OR6K6: variants seen among roughly 807,000 people sequenced by gnomAD.
OR6K6 encodes the protein olfactory receptor family 6 subfamily K member 6.
Under a neutral mutation model 8.1 loss-of-function variants are expected in OR6K6, and 9 were observed. The observed-to-expected ratio is 1.11, with a 90% CI of 0.67 to 1.94. OR6K6 has a LOEUF of 1.94. OR6K6 is among the 30% of genes most tolerant of loss of function. The probability of loss-of-function intolerance (pLI) is 0.00; values close to 1 mark genes in which losing one functional copy is unlikely to be tolerated. For missense variants in OR6K6, 400 were observed against 383.1 expected (o/e 1.04, Z -0.37); for synonymous variants, 156 against 140.3 (o/e 1.11, Z -0.79).
exon 1 of OR6K6, chr1:158,755,687 C>A: frequency 6.2e-7 from 1 of 1,614,198 alleles, no homozygotes; most frequent in Non-Finnish European, 8.5e-7. Flanking sequence ...AGATTCTCAG[C>A]CACCTACTCA....
exon 1 of OR6K6, chr1:158,755,716 A>G: frequency 3.7e-6 from 6 of 1,614,168 alleles, no homozygotes; most frequent in Non-Finnish European, 5.1e-6. Flanking sequence ...GGACACAGCA[A>G]TTGCTGTCAC....
chr1:158,755,138 A>T, exon 1 of OR6K6: 1 of 1,613,966 alleles, frequency 6.2e-7, no homozygotes, highest in Admixed American at 1.7e-5. Flanking sequence ...ACCATCCCCA[A>T]GATGCTGTCC....
exon 1 of OR6K6, chr1:158,755,166 G>C (rs780202591): frequency 6.2e-7 from 1 of 1,614,034 alleles, no homozygotes; most frequent in Non-Finnish European, 8.5e-7. Context: ...TCAGTGAGCA[G>C]AAGAGCATTT....
exon 1 of OR6K6, chr1:158,755,285 C>T (rs770663048): frequency 6.2e-7 from 1 of 1,614,112 alleles, no homozygotes; most frequent in Non-Finnish European, 8.5e-7. Context: ...ATCTGCAATC[C>T]ACTCCGTTAC....
chr1:158,755,306 T>C (rs1407755254), exon 1 of OR6K6: 3 of 1,614,062 alleles, frequency 1.9e-6, no homozygotes, highest in Non-Finnish European at 2.5e-6. Context: ...CCAACCATCA[T>C]GATTCCCAAA....
exon 1 of OR6K6, chr1:158,755,296 C>T (rs953843113): frequency 1.9e-6 from 3 of 1,613,974 alleles, no homozygotes; most frequent in African/African-American, 2.7e-5. Context: ...ACTCCGTTAC[C>T]CAACCATCAT....
At chr1:158,755,848 A>G (rs1656979914) in exon 1 of OR6K6, 1 of 1,589,002 alleles carries the variant, frequency 6.3e-7, no homozygotes, top group African/African-American at 1.4e-5. Flanking sequence ...TGGGAAATAG[A>G]TACAGATCCT....
exon 1 of OR6K6, chr1:158,755,363 T>C: frequency 6.2e-7 from 1 of 1,614,226 alleles, no homozygotes; most frequent in Non-Finnish European, 8.5e-7. Context: ...GGCTTCCTCC[T>C]TGTGCTTCCT....
At position 158,754,808 on chromosome 1, in the gene OR6K6, A is replaced by ATTCATTCATT. The variant is rs1558025988; in HGVS notation, c.-80_-79insTTCATTCATT. The ATTCATTCATT allele has an allele frequency of 1.9e-6, 3 of 1,586,846 alleles. No individual in the cohort carries two copies. The South Asian group carries it at 3.4e-5, about 18-fold the overall frequency. On this transcript the variant is annotated 5_prime_UTR_variant, in exon 1 of 1. Transcript: ENST00000641861. ...AGAATCAGCTTGAGTAACTCATTAC[A>ATTCATTCATT]GAAAGGAATGAAGCAATATTCAGTG...
chr1:158,755,351 G>T (rs1239370426), exon 1 of OR6K6: 1 of 1,614,032 alleles, frequency 6.2e-7, no homozygotes, highest in Non-Finnish European at 8.5e-7. Context: ...TCCTGCTTTT[G>T]TGGCTTCCTC....
chr1:158,754,724 T>C lies in OR6K6; in HGVS notation c.-164T>C, dbSNP rs530288222. On this transcript the variant is annotated 5_prime_UTR_variant, in exon 1 of 1. The change abolishes an upstream ATG in the 5' untranslated region. Transcript: ENST00000641861. ...GGGGTCCAACAGCAAGTATTTCAGATGATTTTGGCATGGAGGTAAAGCTTA... is the reference window on the plus strand; with the variant it reads ...GGGGTCCAACAGCAAGTATTTCAGACGATTTTGGCATGGAGGTAAAGCTTA... 1.8e-5 allele frequency: 17 copies of C among 970,900 alleles called. No homozygotes were observed. Among genetic ancestry groups the C allele is most frequent in the African/African-American group, 4.9e-5 (3 of 60,976 alleles). 60.1% of individuals were successfully genotyped at this position (970,900 alleles called of 1,614,324 possible).
chr1:158,754,889 T>A, exon 1 of OR6K6: 3 of 1,613,694 alleles, frequency 1.9e-6, no homozygotes, highest in Non-Finnish European at 2.5e-6. Context: ...TGTTCACAGA[T>A]GACACAGTTG....
Position 158,755,338 on chromosome 1 carries a change from G to T in OR6K6, c.451G>T (p.Gly151Ter), listed in dbSNP as rs1366024605. Residue 151 changes from glycine (G) to a stop codon, truncating the protein, a stop_gained, in exon 1 of 1, where the codon GGA becomes TGA. Coordinates refer to ENST00000641861, the Ensembl canonical transcript of OR6K6. LOFTEE classifies it high-confidence loss of function. ...CAAACTTTGTATCCAGCTGACAGTT[G>T]GATCCTGCTTTTGTGGCTTCCTCCT... 6.2e-7 allele frequency: 1 copy of T among 1,614,162 alleles called. No individual in the cohort carries two copies. The highest frequency in any genetic ancestry group is 1.3e-5 in the African/African-American group (1 of 75,046).
At chr1:158,755,619 T>G (rs968895829) in exon 1 of OR6K6, 58 of 1,614,110 alleles carry the variant, frequency 3.6e-5, no homozygotes, top group Non-Finnish European at 4.5e-5. Context: ...TTTCCACCTG[T>G]GCTGCTCACC....
chr1:158,755,325 C>A, exon 1 of OR6K6: 1 of 1,614,176 alleles, frequency 6.2e-7, no homozygotes, highest in Admixed American at 1.7e-5. Context: ...AACTTTGTAT[C>A]CAGCTGACAG....
At chr1:158,755,592 A>G in exon 1 of OR6K6, 1 of 1,614,150 alleles carries the variant, frequency 6.2e-7, no homozygotes, top group Non-Finnish European at 8.5e-7. Flanking sequence ...ACTCAGCTGA[A>G]GGTCATCACA....
exon 1 of OR6K6, chr1:158,755,130 C>A (rs752537340): frequency 3.0e-5 from 48 of 1,613,938 alleles, no homozygotes; most frequent in Non-Finnish European, 4.0e-5. Context: ...CCACAACCAC[C>A]ATCCCCAAGA....
chr1:158,755,475 A>C, exon 1 of OR6K6: 1 of 1,614,112 alleles, frequency 6.2e-7, no homozygotes, highest in East Asian at 2.2e-5. Flanking sequence ...GCACAGATAC[A>C]TTCCTAGTGG....
At chr1:158,754,931 A>T in exon 1 of OR6K6, 1 of 1,613,716 alleles carries the variant, frequency 6.2e-7, no homozygotes, top group Non-Finnish European at 8.5e-7. Flanking sequence ...ATGGTGACTG[A>T]GTTCCTCTTC....
Sources: gnomAD v4.1 joint callset for allele counts on GRCh38, gnomAD v4.1.1 for gene constraint, MANE v1.5 for transcripts, NCBI Gene and HGNC (gene_info 2026-07-23, HGNC 2026-07-21) for gene names.